The following OPCML variants were observed in gnomAD, a reference collection of about 807,000 sequenced individuals.
The protein encoded by OPCML is opioid binding protein/cell adhesion molecule like.
In OPCML, 13 loss-of-function variants were observed where a neutral mutation model predicts 37.8. The ratio of observed to expected loss-of-function variants is 0.34; its 90% CI spans 0.22 to 0.55. The LOEUF (loss-of-function observed/expected upper bound fraction) is 0.55. OPCML is among the 20% of genes least tolerant of loss of function. OPCML has a pLI of 0.91. For missense variants in OPCML, 341 were observed against 435.6 expected (o/e 0.78, Z 1.93); for synonymous variants, 176 against 168.8 (o/e 1.04, Z -0.33).
At chr11:133,255,808 C>A (rs1383175431) in intron 1 of OPCML, among the ~76,000 whole-genome samples, 1 of 151,928 alleles carries the variant, frequency 6.6e-6, no homozygotes, top group Non-Finnish European at 1.5e-5. Context: ...CTATGGCTGG[C>A]AGTAGAAAGG....
At chr11:133,386,445 C>T (rs1208437091) in intron 1 of OPCML, among the ~76,000 whole-genome samples, 2 of 152,142 alleles carry the variant, frequency 1.3e-5, no homozygotes, top group African/African-American at 2.4e-5. Flanking sequence ...AATTAGAAGA[C>T]ATACTGGCCA....
intron 1 of OPCML, among the ~76,000 whole-genome samples, chr11:133,029,080 A>G: frequency 6.6e-6 from 1 of 152,248 alleles, no homozygotes; most frequent in Non-Finnish European, 1.5e-5. Flanking sequence ...TTCTTTAAAA[A>G]AGATATACAT....
intron 2 of OPCML, among the ~76,000 whole-genome samples, chr11:132,705,108 G>A (rs556615923): frequency 7.2e-5 from 11 of 152,280 alleles, no homozygotes; most frequent in African/African-American, 2.6e-4. Context: ...TTGATTAAAA[G>A]GGGTGATATA....
At chr11:133,522,726 G>C (rs1948418169) in intron 1 of OPCML, among the ~76,000 whole-genome samples, 1 of 152,214 alleles carries the variant, frequency 6.6e-6, no homozygotes. Context: ...AGGGGGCTCA[G>C]TCACTATCTG....
At chr11:132,868,043 G>A (rs1942642465) in intron 2 of OPCML, among the ~76,000 whole-genome samples, 1 of 152,138 alleles carries the variant, frequency 6.6e-6, no homozygotes, top group South Asian at 2.1e-4. Flanking sequence ...ATATTGTTTT[G>A]TGAAAGGTAC....
chr11:133,078,217 G>T (rs573359131), intron 1 of OPCML, among the ~76,000 whole-genome samples: 41 of 152,250 alleles, frequency 2.7e-4, no homozygotes, highest in African/African-American at 9.6e-4. Flanking sequence ...GTGGCTGTGC[G>T]CAATGAACTC....
intron 2 of OPCML, among the ~76,000 whole-genome samples, chr11:132,776,753 T>C (rs1946823795): frequency 6.6e-6 from 1 of 152,072 alleles, no homozygotes; most frequent in Admixed American, 6.5e-5. Flanking sequence ...CAGCATCACA[T>C]ATTCCTTTAC....
At chr11:133,220,617 C>T (rs1939775638) in intron 1 of OPCML, among the ~76,000 whole-genome samples, 1 of 152,280 alleles carries the variant, frequency 6.6e-6, no homozygotes, top group South Asian at 2.1e-4. Flanking sequence ...CTTGTGGTAG[C>T]AAATGCTCCG....
At chr11:133,197,518 T>G (rs1425175401) in intron 1 of OPCML, among the ~76,000 whole-genome samples, 1 of 152,170 alleles carries the variant, frequency 6.6e-6, no homozygotes, top group Non-Finnish European at 1.5e-5. Flanking sequence ...ATCTCACTGC[T>G]TCTCATGGGT....
intron 4 of OPCML, among the ~76,000 whole-genome samples, chr11:132,474,968 T>C (rs1334443339): frequency 6.6e-6 from 1 of 152,184 alleles, no homozygotes; most frequent in Non-Finnish European, 1.5e-5. Context: ...ACAGCTGCCA[T>C]GTTCTCTCCA....
intron 1 of OPCML, among the ~76,000 whole-genome samples, chr11:133,181,372 G>C (rs115584342): frequency 1.3e-5 from 2 of 151,698 alleles, no homozygotes; most frequent in African/African-American, 4.9e-5. Flanking sequence ...CGGGGGTGGC[G>C]GGGGTGGACT....
At chr11:132,895,418 G>C (rs1303259629) in intron 2 of OPCML, among the ~76,000 whole-genome samples, 1 of 152,192 alleles carries the variant, frequency 6.6e-6, no homozygotes, top group African/African-American at 2.4e-5. Flanking sequence ...AGTGTGCCCT[G>C]AGTCTGAATC....
intron 4 of OPCML, among the ~76,000 whole-genome samples, chr11:132,493,650 G>A (rs2137081265): frequency 6.6e-6 from 1 of 152,288 alleles, no homozygotes. Context: ...GAGAAGGGGA[G>A]AAAAGATGCA....
chr11:133,205,247 A>T lies in OPCML; in HGVS notation c.62-262237T>A, dbSNP rs1749938295. ...TTTGAAGAGCTTCTGGTTGCTGAAC[A>T]CTGGTAGGTTCCTTGAGGGTGGTGC... On this transcript the variant is annotated intron_variant, in intron 1 of 7. Transcript: ENST00000524381. The surrounding 1 kb of genome is among the most constrained non-coding windows in gnomAD (Gnocchi z 4.8). Among the ~76,000 whole-genome samples the T allele has an allele frequency of 6.6e-6, 1 of 152,052 alleles. No homozygotes were observed.
At chr11:132,692,280 T>C (rs1943434626) in intron 2 of OPCML, among the ~76,000 whole-genome samples, 1 of 151,454 alleles carries the variant, frequency 6.6e-6, no homozygotes, top group African/African-American at 2.4e-5. Context: ...TGGGAGAAGG[T>C]TGGTGTGTCC....
intron 3 of OPCML, among the ~76,000 whole-genome samples, chr11:132,566,387 A>C (rs1186968972): frequency 6.6e-6 from 1 of 151,968 alleles, no homozygotes; most frequent in Non-Finnish European, 1.5e-5. Context: ...TGTCAGCTCT[A>C]CTCTTTCAGC....
chr11:133,006,080 C>G, intron 1 of OPCML: 1 of 985,358 alleles, frequency 1.0e-6, no homozygotes, highest in Non-Finnish European at 1.2e-6. Flanking sequence ...GTGCTCATAA[C>G]AGTGAGACCA....
intron 3 of OPCML, among the ~76,000 whole-genome samples, chr11:132,581,176 C>T (rs1452322258): frequency 2.6e-5 from 4 of 152,188 alleles, no homozygotes; most frequent in Non-Finnish European, 5.9e-5. Flanking sequence ...TTACATGATG[C>T]TTCCTATAGA....
intron 1 of OPCML, among the ~76,000 whole-genome samples, chr11:133,346,512 C>A (rs965464471): frequency 1.3e-5 from 2 of 152,182 alleles, no homozygotes; most frequent in African/African-American, 4.8e-5. Context: ...ATGTACCCTA[C>A]TGAATAGTTC....
Sources: gnomAD v4.1 joint callset for allele counts (sites outside exome capture counted in the v4.1 genomes callset) on GRCh38, gnomAD v4.1.1 for gene constraint, Gnocchi (gnomAD v3.1) non-coding constraint, MANE v1.5 for transcripts, NCBI Gene and HGNC (gene_info 2026-07-23, HGNC 2026-07-21) for gene names.